The following NRG4 variants were observed in gnomAD, a reference collection of about 807,000 sequenced individuals.
NRG4 encodes pro-neuregulin-4, membrane-bound isoform.
A neutral mutation model predicts 15.0 loss-of-function variants in NRG4; 10 were observed. The observed-to-expected ratio is 0.67, with a 90% CI of 0.41 to 1.13. The LOEUF (loss-of-function observed/expected upper bound fraction) is 1.13, where lower values mean the gene tolerates loss of function less well. Ranked by LOEUF, NRG4 falls within the 50% of genes most tolerant of loss-of-function variation. The probability of loss-of-function intolerance (pLI) is 0.00; values close to 1 mark genes in which losing one functional copy is unlikely to be tolerated. For missense variants in NRG4, 139 were observed against 140.2 expected, an observed-to-expected ratio of 0.99 and a Z score of 0.04; for synonymous variants, 41 against 50.1, an observed-to-expected ratio of 0.82 and a Z score of 0.77.
At chr15:76,056,250 C>T (rs2036148249) in intron 2 of NRG4, among the ~76,000 whole-genome samples, 1 of 151,994 alleles carries the variant, frequency 6.6e-6, no homozygotes, top group South Asian at 2.1e-4. Context: ...GAGTTCGAGA[C>T]CAGCCTGACC....
At chr15:75,965,198 T>C (rs1874955) in intron 3 of NRG4, among the ~76,000 whole-genome samples, 9,452 of 152,014 alleles carry the variant, frequency 0.062, 613 homozygotes, top group African/African-American at 0.17. Context: ...GCACTCCAGC[T>C]TGGGCGACAG....
In NRG4 at chr15:75,961,783, C is replaced by G. The variant is rs766776965; in HGVS notation, c.251+45G>C. On this transcript the variant is annotated intron_variant, in intron 4 of 5. Coordinates refer to ENST00000394907, the MANE Select transcript of NRG4 (RefSeq NM_138573.4). ...TATTAATTATTTAGTGGAATAACTA[C>G]TTTATGTATTACTTTTCTCAAAAGC... 5.2e-5 allele frequency: 74 copies of G among 1,418,564 alleles called. No homozygotes were observed. The Middle Eastern group carries it at 8.9e-4, about 17-fold the overall frequency. 87.9% of individuals were successfully genotyped at this position (1,418,564 alleles called of 1,614,324 possible).
intron 5 of NRG4, among the ~76,000 whole-genome samples, chr15:75,946,679 C>T (rs11636251): frequency 0.42 from 64,503 of 152,004 alleles, 14,545 homozygotes; most frequent in South Asian, 0.66. Context: ...TTTTCATCAT[C>T]GTAAACTGAA....
chr15:76,054,329 G>A (rs1442179806), intron 2 of NRG4, among the ~76,000 whole-genome samples: 2 of 151,430 alleles, frequency 1.3e-5, no homozygotes, highest in Admixed American at 6.6e-5. Flanking sequence ...TAGCTCAAGC[G>A]ATCTGCCCGC....
intron 3 of NRG4, among the ~76,000 whole-genome samples, chr15:75,997,052 T>G (rs2141883445): frequency 6.6e-6 from 1 of 152,232 alleles, no homozygotes; most frequent in South Asian, 2.1e-4. Context: ...ACTATAATAC[T>G]TAGTAGACTA....
chr15:76,016,434 G>A (rs558289071), upstream of NRG4, among the ~76,000 whole-genome samples: 16 of 152,246 alleles, frequency 1.1e-4, no homozygotes, highest in African/African-American at 3.6e-4. Context: ...ATGTTAGGGT[G>A]TCAATTTTAG....
At chr15:76,037,193 A>G (rs1349417871) in intron 4 of NRG4, among the ~76,000 whole-genome samples, 1 of 152,128 alleles carries the variant, frequency 6.6e-6, no homozygotes, top group Non-Finnish European at 1.5e-5. Flanking sequence ...AGGAACACCA[A>G]ATTCAACAAC....
chr15:75,949,811 C>T (rs2031770542), intron 5 of NRG4, among the ~76,000 whole-genome samples: 1 of 152,186 alleles, frequency 6.6e-6, no homozygotes, highest in African/African-American at 2.4e-5. Context: ...CAAACTGCCC[C>T]AGTATCATCT....
intron 5 of NRG4, among the ~76,000 whole-genome samples, chr15:76,018,225 T>C (rs2035047177): frequency 6.6e-6 from 1 of 152,208 alleles, no homozygotes; most frequent in Non-Finnish European, 1.5e-5. Flanking sequence ...TAGTAATTCC[T>C]CTAACCTTTT....
chr15:76,031,723 C>T (rs995829632), intron 5 of NRG4, among the ~76,000 whole-genome samples: 1 of 152,168 alleles, frequency 6.6e-6, no homozygotes, highest in African/African-American at 2.4e-5. Flanking sequence ...GATGTGGTGG[C>T]ACATGCCTGT....
intron 4 of NRG4, among the ~76,000 whole-genome samples, chr15:75,959,549 G>A (rs2032414763): frequency 6.6e-6 from 1 of 152,096 alleles, no homozygotes; most frequent in Admixed American, 6.6e-5. Context: ...AGGTTGGAGT[G>A]CAGTGGCATA....
At chr15:76,021,403 T>C (rs190489647) in intron 5 of NRG4, among the ~76,000 whole-genome samples, 1 of 152,340 alleles carries the variant, frequency 6.6e-6, no homozygotes, top group Admixed American at 6.5e-5. Context: ...CCTAATAGGC[T>C]ATAGTATAAA....
At chr15:76,024,648 T>C (rs1047422262) in intron 5 of NRG4, among the ~76,000 whole-genome samples, 2 of 152,316 alleles carry the variant, frequency 1.3e-5, no homozygotes, top group Admixed American at 1.3e-4. Context: ...AGACTTCAAG[T>C]TGGCTGACTC....
intron 1 of NRG4, among the ~76,000 whole-genome samples, chr15:76,059,004 G>A (rs1183575275): frequency 6.6e-6 from 1 of 152,058 alleles, no homozygotes; most frequent in African/African-American, 2.4e-5. Flanking sequence ...CATGGCCCTA[G>A]GACAGGCTTC....
chr15:76,043,347 A>G (rs1210743190), intron 4 of NRG4, among the ~76,000 whole-genome samples: 1 of 152,216 alleles, frequency 6.6e-6, no homozygotes, highest in East Asian at 1.9e-4. Context: ...TTGGAAAGGA[A>G]GAAATCAAAT....
intron 4 of NRG4, among the ~76,000 whole-genome samples, chr15:75,957,935 A>T (rs1272232648): frequency 6.6e-6 from 1 of 152,200 alleles, no homozygotes; most frequent in African/African-American, 2.4e-5. Context: ...TTTAAAAATT[A>T]TATTTGATTC....
chr15:75,990,671 G>GTTTTTTT (rs374504639), intron 3 of NRG4, among the ~76,000 whole-genome samples: 16 of 130,610 alleles, frequency 1.2e-4, no homozygotes, highest in Non-Finnish European at 1.7e-4. Flanking sequence ...GTTGGTAATT[G>GTTTTTTT]TTTTTTTTTT....
At chr15:76,011,181 A>G (rs1249870586) in intron 2 of NRG4, 40 bp downstream of exon 2, 15 of 1,358,236 alleles carry the variant, frequency 1.1e-5, no homozygotes, top group Non-Finnish European at 1.5e-5. Context: ...ATTGCTATGG[A>G]CACATATTGA....
chr15:75,991,453 T>C (rs74024049), intron 3 of NRG4, among the ~76,000 whole-genome samples: 5,451 of 152,294 alleles, frequency 0.036, 171 homozygotes, highest in African/African-American at 0.081. Context: ...CTTTGCCCTA[T>C]AAATTTTCAA....
Sources: allele counts gnomAD v4.1 joint callset (sites outside exome capture counted in the v4.1 genomes callset), GRCh38; gene constraint gnomAD v4.1.1; transcripts MANE v1.5; gene names NCBI Gene and HGNC (gene_info 2026-07-23, HGNC 2026-07-21).